The following DENND1A variants were observed in gnomAD, a reference collection of about 807,000 sequenced individuals.
The protein encoded by DENND1A is DENN domain containing 1A.
DENND1A carries 51 observed loss-of-function variants against 113.7 expected under a neutral mutation model. The ratio of observed to expected loss-of-function variants is 0.45; its 90% CI spans 0.36 to 0.57. The LOEUF (loss-of-function observed/expected upper bound fraction) is 0.57, where lower values mean the gene tolerates loss of function less well. DENND1A is among the 20% of genes least tolerant of loss of function. DENND1A has a pLI of 0.00. For synonymous variants in DENND1A, 565 were observed against 570.8 expected, an observed-to-expected ratio of 0.99 and a Z score of 0.14; for missense variants, 1,258 against 1,395.9, an observed-to-expected ratio of 0.90 and a Z score of 1.57.
At chr9:123,641,834 C>G (rs1042310951) in intron 9 of DENND1A, among the ~76,000 whole-genome samples, 3 of 152,162 alleles carry the variant, frequency 2.0e-5, no homozygotes, top group African/African-American at 4.8e-5. Context: ...AATACACATT[C>G]CATGGTTCCA....
At chr9:123,685,633 A>AC (rs1234681620) in intron 5 of DENND1A, among the ~76,000 whole-genome samples, 4 of 152,186 alleles carry the variant, frequency 2.6e-5, no homozygotes, top group Non-Finnish European at 1.5e-5. Flanking sequence ...TGAGAGTATT[A>AC]CTTTGATTGA....
chr9:123,834,197 T>C (rs1246990081), intron 2 of DENND1A, among the ~76,000 whole-genome samples: 1 of 152,200 alleles, frequency 6.6e-6, no homozygotes, highest in Non-Finnish European at 1.5e-5. Flanking sequence ...AAAAGGAATC[T>C]ACCTCCTCCA....
chr9:123,560,380 A>G (rs1459990214), intron 12 of DENND1A, among the ~76,000 whole-genome samples: 1 of 152,212 alleles, frequency 6.6e-6, no homozygotes, highest in African/African-American at 2.4e-5. Flanking sequence ...CACTAAACTG[A>G]GTGAAGATGG....
intron 21 of DENND1A, among the ~76,000 whole-genome samples, chr9:123,395,468 C>CTGTGTGTGTGTGTGTGTGTGTGTGTGTG (rs60527655): frequency 7.0e-6 from 1 of 142,890 alleles, no homozygotes; most frequent in African/African-American, 2.7e-5. Flanking sequence ...CTCTCTCTCT[C>CTGTGTGTGTGTGTGTGTGTGTGTGTGTG]TGTGTGTGTG....
At chr9:123,885,930 C>A (rs1411006676) in intron 1 of DENND1A, among the ~76,000 whole-genome samples, 2 of 152,150 alleles carry the variant, frequency 1.3e-5, no homozygotes, top group Non-Finnish European at 2.9e-5. Flanking sequence ...CAGGCACCTG[C>A]CACCATGTCC....
At chr9:123,717,582 T>C (rs1362087167) in intron 5 of DENND1A, among the ~76,000 whole-genome samples, 1 of 152,250 alleles carries the variant, frequency 6.6e-6, no homozygotes, top group Non-Finnish European at 1.5e-5. Flanking sequence ...ATTATTCTAA[T>C]TATACTACAC....
intron 16 of DENND1A, 39 bp downstream of exon 16, chr9:123,454,700 G>C: frequency 6.5e-7 from 1 of 1,550,026 alleles, no homozygotes. Context: ...GGAAGCTAAG[G>C]AGGGAGTCCA....
intron 9 of DENND1A, among the ~76,000 whole-genome samples, chr9:123,643,537 A>C (rs986398101): frequency 4.6e-5 from 7 of 152,260 alleles, no homozygotes; most frequent in Non-Finnish European, 1.0e-4. Context: ...GAACTGCAAC[A>C]TATGAACCCT....
chr9:123,689,346 CAT>C (rs1406282839), intron 5 of DENND1A, among the ~76,000 whole-genome samples: 4 of 152,108 alleles, frequency 2.6e-5, no homozygotes, highest in African/African-American at 9.7e-5. Context: ...TTCATAAACT[CAT>C]ATAGGATTGA....
In DENND1A at chr9:123,558,324, A is replaced by G. The variant is rs2057543017; in HGVS notation, c.868-629T>C. ...TCCCATTCTATCCCCTCTTAAAGCT[A>G]CTTACAAATGTTAGAATAAAGGCTT... On this transcript the variant is annotated intron_variant, in intron 12 of 23. Transcript: ENST00000394215. 2.0e-5 allele frequency among the ~76,000 whole-genome samples: 3 copies of G among 152,186 alleles called. 1 individual carries two copies. In the South Asian group the frequency reaches 6.2e-4, roughly 32 times the overall value.
At chr9:123,667,542 G>A (rs1425995408) in intron 7 of DENND1A, among the ~76,000 whole-genome samples, 2 of 152,154 alleles carry the variant, frequency 1.3e-5, no homozygotes, top group East Asian at 1.9e-4. Context: ...GTTTGAACCC[G>A]GGAGGTGGAG....
At chr9:123,614,941 G>A (rs2060579739) in intron 10 of DENND1A, among the ~76,000 whole-genome samples, 1 of 152,198 alleles carries the variant, frequency 6.6e-6, no homozygotes, top group Non-Finnish European at 1.5e-5. Context: ...AGATTGTCTT[G>A]TGGTTTTAAA....
rs1297494797 is a variant in DENND1A, at chr9:123,671,367, T to C, written c.377A>G (p.Asn126Ser). ...AGTTTCAAGAAGCTCATTCCACTGA[T>C]TTTCCTGAAAGAAATAAAAGGCCTA... ...LADYTTKRQE[N>S]QWNELLETLH... The change falls in exon 7 of 24, where the codon AAT (asparagine) becomes AGT (serine). Residue 126 changes from asparagine to serine, a missense_variant. Coordinates refer to ENST00000394215, the MANE Select transcript of DENND1A (RefSeq NM_001352964.2). 1 of 1,613,724 alleles carries C rather than the reference T, an allele frequency of 6.2e-7. No homozygotes were observed. The highest frequency in any genetic ancestry group is 1.1e-5 in the South Asian group (1 of 90,996).
intron 2 of DENND1A, among the ~76,000 whole-genome samples, chr9:123,861,006 A>G (rs1243833029): frequency 6.6e-6 from 1 of 152,230 alleles, no homozygotes; most frequent in East Asian, 1.9e-4. Flanking sequence ...TGATAATACT[A>G]CGGAAGGGGA....
intron 1 of DENND1A, among the ~76,000 whole-genome samples, chr9:123,902,184 C>T (rs1851766758): frequency 6.6e-6 from 1 of 150,810 alleles, no homozygotes. Context: ...TACACACACA[C>T]ACACACACAC....
In DENND1A at chr9:123,683,856, T is replaced by C. The variant is rs75804634; in HGVS notation, c.303-7067A>G. On this transcript the variant is annotated intron_variant, in intron 5 of 23. Coordinates refer to ENST00000394215, the MANE Select transcript of DENND1A (RefSeq NM_001352964.2). Reference sequence around the variant, plus strand: ...ACGTAACTCATCTCTATAGGTTCTATTAAGGCCATTAATTACCACTAGAGC... The same window carrying C: ...ACGTAACTCATCTCTATAGGTTCTACTAAGGCCATTAATTACCACTAGAGC... Among the ~76,000 whole-genome samples the C allele has an allele frequency of 9.7e-3, 1,479 of 152,308 alleles. 14 individuals carry two copies. Among genetic ancestry groups the C allele is most frequent in the Non-Finnish European group, 0.016 (1,075 of 68,026 alleles).
chr9:123,450,554 T>G, intron 18 of DENND1A, 139 bp downstream of exon 18: 1 of 600,808 alleles, frequency 1.7e-6, no homozygotes, highest in Non-Finnish European at 2.8e-6. Flanking sequence ...GTGTGAAAAC[T>G]CCCGGACAGC....
intron 2 of DENND1A, among the ~76,000 whole-genome samples, chr9:123,863,081 T>TGACAATGA (rs1405396959): frequency 6.6e-6 from 1 of 152,238 alleles, no homozygotes; most frequent in African/African-American, 2.4e-5. Flanking sequence ...ATAAGTGCGA[T>TGACAATGA]GACAATGAGA....
chr9:123,520,991 A>T (rs1456160775), intron 13 of DENND1A, among the ~76,000 whole-genome samples: 1 of 152,202 alleles, frequency 6.6e-6, no homozygotes, highest in Non-Finnish European at 1.5e-5. Flanking sequence ...ACATTCAAAT[A>T]AAAAGGAAGA....
Sources: allele counts gnomAD v4.1 joint callset (sites outside exome capture counted in the v4.1 genomes callset), GRCh38; gene constraint gnomAD v4.1.1; transcripts MANE v1.5; gene names NCBI Gene and HGNC (gene_info 2026-07-23, HGNC 2026-07-21).